ADARB2: variants seen among roughly 807,000 people sequenced by gnomAD.
ADARB2 encodes the protein inactive double-stranded RNA-specific editase B2.
A neutral mutation model predicts 62.2 loss-of-function variants in ADARB2; 25 were observed. The observed-to-expected ratio is 0.40, with a 90% CI of 0.29 to 0.56. ADARB2 has a LOEUF of 0.56. Among genes scored for constraint, ADARB2 ranks in the 20% least tolerant of loss-of-function variants. ADARB2 has a pLI of 0.43. For missense variants in ADARB2, 1,071 were observed against 1,077.4 expected (o/e 0.99, Z 0.08); for synonymous variants, 572 against 500.8 (o/e 1.14, Z -1.90).
In ADARB2 at chr10:1,569,965, C is replaced by A. The variant is rs532897671; in HGVS notation, c.100+167086G>T. ...AATTCACATTGTTGGTCACTGTTTT[C>A]TTCCTTGAATATATTACTAAACCAT... On this transcript the variant is annotated intron_variant, in intron 1 of 9. Transcript: ENST00000381312. 3.3e-5 allele frequency among the ~76,000 whole-genome samples: 5 copies of A among 152,070 alleles called. No homozygotes were observed. The South Asian group carries it at 1.0e-3, about 32-fold the overall frequency.
chr10:1,560,404 C>A (rs1832769861), intron 1 of ADARB2, among the ~76,000 whole-genome samples: 1 of 152,128 alleles, frequency 6.6e-6, no homozygotes, highest in East Asian at 1.9e-4. Context: ...ATTTCAATGA[C>A]CCTGGTGCAC....
At chr10:1,437,030 G>C (rs1830841504) in intron 1 of ADARB2, among the ~76,000 whole-genome samples, 1 of 152,166 alleles carries the variant, frequency 6.6e-6, no homozygotes, top group Non-Finnish European at 1.5e-5. Context: ...TCTAATGTAT[G>C]CTGTTAGTTG....
chr10:1,557,728 ACC>A (rs1832725432), intron 1 of ADARB2, among the ~76,000 whole-genome samples: 1 of 152,076 alleles, frequency 6.6e-6, no homozygotes, highest in African/African-American at 2.4e-5. Flanking sequence ...ACATGGTGAA[ACC>A]CCATCTCTAA....
At chr10:1,356,558 A>G (rs1832197719) in intron 3 of ADARB2, among the ~76,000 whole-genome samples, 1 of 152,144 alleles carries the variant, frequency 6.6e-6, no homozygotes. Flanking sequence ...CAGGGCACTT[A>G]GCTGACCTGG....
Position 1,640,166 on chromosome 10 carries a change from T to A in ADARB2, c.100+96885A>T, listed in dbSNP as rs182573051. On this transcript the variant is annotated intron_variant, in intron 1 of 9. Transcript: ENST00000381312. ...GTTTCTCCCAAGGAAATTTACTCCA[T>A]CCTTAGCCAGTTTGTTAGAGATTGT... Among the ~76,000 whole-genome samples, 439 of 152,318 alleles carry A rather than the reference T, an allele frequency of 2.9e-3. 3 individuals are homozygous for A. The highest frequency in any genetic ancestry group is 5.6e-3 in the South Asian group (27 of 4,826).
At chr10:1,677,603 G>A (rs752597957) in intron 1 of ADARB2, among the ~76,000 whole-genome samples, 2 of 152,188 alleles carry the variant, frequency 1.3e-5, no homozygotes, top group Non-Finnish European at 2.9e-5. Context: ...CTCCTGGCCT[G>A]CTGGTGCATC....
chr10:1,636,728 T>C (rs1833920878), intron 1 of ADARB2, among the ~76,000 whole-genome samples: 1 of 150,028 alleles, frequency 6.7e-6, no homozygotes, highest in Non-Finnish European at 1.5e-5. Context: ...ATATTTGATA[T>C]ATACCGATAT....
In ADARB2 at chr10:1,557,461, C is replaced by T. The variant is rs578066069; in HGVS notation, c.101-178301G>A. On this transcript the variant is annotated intron_variant, in intron 1 of 9. Transcript: ENST00000381312. Reference sequence around the variant, plus strand: ...AGCCACGGTCCTCCAACAGGCCCCACGCTTCCCGCCAGTCCAGCACATTTC... The same window carrying T: ...AGCCACGGTCCTCCAACAGGCCCCATGCTTCCCGCCAGTCCAGCACATTTC... Among the ~76,000 whole-genome samples the T allele has an allele frequency of 3.5e-3, 531 of 152,280 alleles. 3 individuals are homozygous for T. Among genetic ancestry groups the T allele is most frequent in the South Asian group, 6.6e-3 (32 of 4,824 alleles).
At chr10:1,666,733 G>A (rs1214642339) in intron 1 of ADARB2, among the ~76,000 whole-genome samples, 1 of 152,174 alleles carries the variant, frequency 6.6e-6, no homozygotes, top group Non-Finnish European at 1.5e-5. Flanking sequence ...GAACCCACAC[G>A]CAGCTCATCC....
At position 1,220,933 on chromosome 10, in the gene ADARB2, T is replaced by G. The variant is rs76597806; in HGVS notation, c.1514-3814A>C. ...TGCCTGAGGAGCCAGGTGCATGAGT[T>G]GCTCCTGAGTGTTTATTTTTGGAGG... is the stretch of plus-strand genomic sequence containing the variant. On this transcript the variant is annotated intron_variant, in intron 6 of 9. Coordinates refer to ENST00000381312, the MANE Select transcript of ADARB2 (RefSeq NM_018702.4). Among the ~76,000 whole-genome samples the G allele has an allele frequency of 7.0e-3, 1,068 of 152,300 alleles. 6 individuals carry two copies. The highest frequency in any genetic ancestry group is 0.011 in the Non-Finnish European group (754 of 68,022).
intron 3 of ADARB2, among the ~76,000 whole-genome samples, chr10:1,323,944 G>A (rs1447200403): frequency 1.3e-5 from 2 of 152,196 alleles, no homozygotes; most frequent in East Asian, 3.8e-4. Context: ...GTGAAAGATT[G>A]CCTTAAAGGG....
Position 1,400,120 on chromosome 10 carries a change from G to A in ADARB2, c.101-20960C>T, listed in dbSNP as rs141283510. On this transcript the variant is annotated intron_variant, in intron 1 of 9. Coordinates refer to ENST00000381312, the MANE Select transcript of ADARB2 (RefSeq NM_018702.4). ...TGTGGTGGGCAGGGTTGGAGGCACC[G>A]CTGAGCGTGGGCAGAGAGGGGACAG... 3.3e-3 allele frequency among the ~76,000 whole-genome samples: 505 copies of A among 152,340 alleles called. 6 individuals are homozygous for A. The highest frequency in any genetic ancestry group is 0.011 in the African/African-American group (464 of 41,586).
chr10:1,193,063 T>A (rs1836864489), intron 8 of ADARB2, among the ~76,000 whole-genome samples: 1 of 152,196 alleles, frequency 6.6e-6, no homozygotes, highest in Non-Finnish European at 1.5e-5. Flanking sequence ...GTGGAGGTGT[T>A]GAGGGTGGAA....
At chr10:1,224,411 G>A (rs968995190) in intron 6 of ADARB2, among the ~76,000 whole-genome samples, 15 of 151,786 alleles carry the variant, frequency 9.9e-5, no homozygotes, top group Admixed American at 9.2e-4. Flanking sequence ...AGGGTTTTTT[G>A]TGTCTCTATT....
chr10:1,345,557 C>A (rs1365521978), intron 3 of ADARB2, among the ~76,000 whole-genome samples: 1 of 152,170 alleles, frequency 6.6e-6, no homozygotes, highest in African/African-American at 2.4e-5. Flanking sequence ...CTGAGCCAGC[C>A]CAGCCTCATG....
At chr10:1,640,630 T>C (rs949074005) in intron 1 of ADARB2, among the ~76,000 whole-genome samples, 5 of 152,088 alleles carry the variant, frequency 3.3e-5, no homozygotes, top group African/African-American at 4.8e-5. Context: ...TGTTGTTGCC[T>C]GGGAGACACA....
intron 1 of ADARB2, among the ~76,000 whole-genome samples, chr10:1,732,231 G>A (rs189472119): frequency 1.3e-5 from 2 of 149,150 alleles, no homozygotes; most frequent in Admixed American, 6.7e-5. Context: ...ATGTATGTGT[G>A]TATATATATC....
At chr10:1,505,174 C>G (rs1831825328) in intron 1 of ADARB2, among the ~76,000 whole-genome samples, 1 of 151,730 alleles carries the variant, frequency 6.6e-6, no homozygotes, top group South Asian at 2.1e-4. Flanking sequence ...CACATGAACA[C>G]AAACACACAG....
At chr10:1,715,185 T>A (rs1318369156) in intron 1 of ADARB2, among the ~76,000 whole-genome samples, 1 of 152,090 alleles carries the variant, frequency 6.6e-6, no homozygotes, top group African/African-American at 2.4e-5. Flanking sequence ...AGTCTCTAAA[T>A]CATTCTGTTT....
Sources: allele counts gnomAD v4.1 joint callset (sites outside exome capture counted in the v4.1 genomes callset), GRCh38; gene constraint gnomAD v4.1.1; transcripts MANE v1.5; gene names NCBI Gene and HGNC (gene_info 2026-07-23, HGNC 2026-07-21).